Variants in CDK2 observed in about 807,000 individuals in gnomAD.
CDK2 encodes cyclin dependent kinase 2.
In CDK2, 8 loss-of-function variants were observed where a neutral mutation model predicts 35.0. The ratio of observed to expected loss-of-function variants is 0.23; its 90% confidence interval spans 0.13 to 0.41. CDK2 has a LOEUF of 0.41. Among genes scored for constraint, CDK2 ranks in the 10% least tolerant of loss-of-function variants. The pLI is 1.00. For synonymous variants in CDK2, 134 were observed against 137.7 expected, an observed-to-expected ratio of 0.97 and a Z score of 0.19; for missense variants, 201 against 367.1, an observed-to-expected ratio of 0.55 and a Z score of 3.70.
At position 55,966,834 on chromosome 12, in the gene CDK2, T is replaced by G; in HGVS notation, c.-175T>G. On this transcript the variant is annotated 5_prime_UTR_variant, in exon 1 of 7. Coordinates refer to ENST00000266970, the MANE Select transcript of CDK2 (RefSeq NM_001798.5). ...AACTCGGTGGGAGGCGGCAACATTGTTTCAAGTTGGCCAAATTGACAAGAG... is the reference window on the plus strand; with the variant it reads ...AACTCGGTGGGAGGCGGCAACATTGGTTCAAGTTGGCCAAATTGACAAGAG... 1 of 890,138 alleles carries G rather than the reference T, an allele frequency of 1.1e-6. No homozygotes were observed. Among genetic ancestry groups the G allele is most frequent in the South Asian group, 2.0e-5 (1 of 50,322 alleles). The allele number at this position is 890,138 out of a possible 1,614,324, so 55.1% of individuals were successfully genotyped here. A position where few individuals can be genotyped will look rare whatever the true frequency, so the allele number is the denominator to read the frequency against.
In CDK2 at chr12:55,967,003, C is replaced by T; in HGVS notation, c.-6C>T. ...GGGCCGGGCTGACCCGACTCGCTGG[C>T]GCTTCATGGAGAACTTCCAAAAGGT... On this transcript the variant is annotated 5_prime_UTR_variant, in exon 1 of 7. Transcript: ENST00000266970. 1 of 1,605,802 alleles carries T rather than the reference C, an allele frequency of 6.2e-7. No homozygotes were observed. The highest frequency in any genetic ancestry group is 8.5e-7 in the Non-Finnish European group (1 of 1,174,884).
chr12:55,969,794 A>T (rs1889427586), intron 5 of CDK2: 4 of 375,138 alleles, frequency 1.1e-5, no homozygotes, highest in Non-Finnish European at 1.4e-5. Flanking sequence ...CCTGGTATAC[A>T]TCTCTTATCC....
In CDK2 at chr12:55,971,261, C is replaced by A. The variant is rs766558762; in HGVS notation, c.792+14C>A. The A allele has an allele frequency of 6.2e-7, 1 of 1,610,226 alleles. No individual in the cohort carries two copies. Among genetic ancestry groups the A allele is most frequent in the East Asian group, 2.2e-5 (1 of 44,852 alleles). On this transcript the variant is annotated intron_variant, in intron 6 of 6. Transcript: ENST00000266970. ...AGCTTGTTATCGGTGAGAGTGGGCA[C>A]CTGTTTTCCCTCATTCATTTCTCCC...
At chr12:55,967,499 A>G (rs1343119599) in intron 1 of CDK2, 1 of 428,056 alleles carries the variant, frequency 2.3e-6, no homozygotes, top group Non-Finnish European at 4.3e-6. Flanking sequence ...TCACTGCCCC[A>G]CCCTCACCTT....
rs1164605127 is a variant in CDK2, at chr12:55,972,410, T to A, written c.*785T>A. 1 of 152,190 alleles carries A rather than the reference T, an allele frequency of 6.6e-6. No individual in the cohort carries two copies. Among genetic ancestry groups the A allele is most frequent in the Non-Finnish European group, 1.5e-5 (1 of 68,038 alleles). The allele number at this position is 152,190 out of a possible 1,614,324, so 9.4% of individuals were successfully genotyped here. ...CCAAGGATCCCTGATCCCATTTTCCTCTGACGTCCACCTCCTACCCCATAG... is the reference window on the plus strand; with the variant it reads ...CCAAGGATCCCTGATCCCATTTTCCACTGACGTCCACCTCCTACCCCATAG... On this transcript the variant is annotated 3_prime_UTR_variant, in exon 7 of 7. Coordinates refer to ENST00000266970, the MANE Select transcript of CDK2 (RefSeq NM_001798.5).
intron 2 of CDK2, 40 bp downstream of exon 2, chr12:55,967,974 G>GAT: frequency 6.2e-7 from 1 of 1,613,588 alleles, no homozygotes; most frequent in African/African-American, 1.3e-5. Flanking sequence ...TGGAAAGGAG[G>GAT]ATAAGTTCTG....
rs1205832633 is a variant in CDK2, at chr12:55,968,026, T to G, written c.195-23T>G. Reference sequence around the variant, plus strand: ...ATTTCTCTCTCTCACACACCTCCATTTCCTCAAACTTTCCTTCTCTAGGCT... The same window carrying G: ...ATTTCTCTCTCTCACACACCTCCATGTCCTCAAACTTTCCTTCTCTAGGCT... On this transcript the variant is annotated intron_variant, in intron 2 of 6. Transcript: ENST00000266970. 3.7e-6 allele frequency: 6 copies of G among 1,614,006 alleles called. No homozygotes were observed. The Admixed American group carries it at 8.3e-5, about 22-fold the overall frequency.
chr12:55,971,836 A>C lies in CDK2; in HGVS notation c.*211A>C. 4 of 530,314 alleles carry C rather than the reference A, an allele frequency of 7.5e-6. 1 individual carries two copies. Among genetic ancestry groups the C allele is most frequent in the South Asian group, 5.3e-5 (2 of 37,482 alleles). The allele number at this position is 530,314 out of a possible 1,614,324, so 32.9% of individuals were successfully genotyped here. On this transcript the variant is annotated 3_prime_UTR_variant, in exon 7 of 7. Transcript: ENST00000266970. ...GGAAGTTTCAGTATTAGATGCACTT[A>C]AGTTAGCCTCCACCACCCTTTCCCC... is the stretch of plus-strand genomic sequence containing the variant.
At chr12:55,970,760 C>A (rs3213124) in intron 5 of CDK2, 4 of 700,340 alleles carry the variant, frequency 5.7e-6, no homozygotes, top group African/African-American at 3.5e-5. Context: ...CTTGGGATAC[C>A]TTTGCTACAT....
chr12:55,969,294 C>T (rs57488950), intron 4 of CDK2, among the ~76,000 whole-genome samples, 181 bp from the exon 5 acceptor site: 276 of 152,062 alleles, frequency 1.8e-3, no homozygotes, highest in African/African-American at 6.4e-3. Context: ...CCAGGAAGAT[C>T]TCAAATTAGG....
intron 1 of CDK2, 172 bp downstream of exon 1, chr12:55,967,296 C>T: frequency 1.6e-6 from 1 of 611,032 alleles, no homozygotes. Flanking sequence ...ACTTATACTC[C>T]CTGGGGAGAG....
At chr12:55,970,288 CAAAAAA>C (rs60371110) in intron 5 of CDK2, among the ~76,000 whole-genome samples, 1 of 21,876 alleles carries the variant, frequency 4.6e-5, no homozygotes, top group Non-Finnish European at 1.5e-4. Context: ...GATTCCATCT[CAAAAAA>C]AAAAAAAAAA....
chr12:55,966,908 CCT>C lies in CDK2; in HGVS notation c.-100_-99del. 9.8e-7 allele frequency: 1 copy of C among 1,018,276 alleles called. No homozygotes were observed. The highest frequency in any genetic ancestry group is 2.0e-5 in the Admixed American group (1 of 49,286). 63.1% of individuals were successfully genotyped at this position (1,018,276 alleles called of 1,614,324 possible). A position where few individuals can be genotyped will look rare whatever the true frequency, so the allele number is the denominator to read the frequency against. On this transcript the variant is annotated 5_prime_UTR_variant, in exon 1 of 7. Coordinates refer to ENST00000266970, the MANE Select transcript of CDK2 (RefSeq NM_001798.5). ...CCGACCCGGGGCCACGGTACTGGGC[CCT>C]GTTTCCCCCTCCTCGGCCCCCGAGA...
chr12:55,968,664 T>C, intron 3 of CDK2, 114 bp from the exon 4 acceptor site: 4 of 764,064 alleles, frequency 5.2e-6, no homozygotes, highest in Non-Finnish European at 8.2e-6. Context: ...AGCTTGTAAA[T>C]ATGTAACTAT....
At position 55,967,141 on chromosome 12, in the gene CDK2, C is replaced by T. The variant is rs745467761; in HGVS notation, c.116+17C>T. ...CCTGGACACGTGAGTGGCCTCTGTA[C>T]CCGGGACTCCTAACTGGGGACCTCC... On this transcript the variant is annotated intron_variant, in intron 1 of 6. Coordinates refer to ENST00000266970, the MANE Select transcript of CDK2 (RefSeq NM_001798.5). The T allele has an allele frequency of 3.8e-6, 6 of 1,566,472 alleles. No individual in the cohort carries two copies. In the East Asian group the frequency reaches 1.1e-4, roughly 29 times the overall value.
intron 3 of CDK2, 30 bp downstream of exon 3, chr12:55,968,199 T>TG: frequency 6.2e-7 from 1 of 1,612,268 alleles, no homozygotes; most frequent in Non-Finnish European, 8.5e-7. Context: ...CCTCTCATCA[T>TG]GGGCATGTCT....
chr12:55,966,966 GC>G lies in CDK2; in HGVS notation c.-38del. The G allele has an allele frequency of 1.3e-6, 2 of 1,492,682 alleles. No homozygotes were observed. The highest frequency in any genetic ancestry group is 2.3e-5 in the South Asian group (2 of 85,382). The allele number at this position is 1,492,682 out of a possible 1,614,324, so 92.5% of individuals were successfully genotyped here. A position where few individuals can be genotyped will look rare whatever the true frequency, so the allele number is the denominator to read the frequency against. ...GGTCCGCCTTCTGCAGGGTTCCCAGGCCCCCGCTCCAGGGCCGGGCTGACCC... is the reference window on the plus strand; with the variant it reads ...GGTCCGCCTTCTGCAGGGTTCCCAGGCCCCGCTCCAGGGCCGGGCTGACCC... On this transcript the variant is annotated 5_prime_UTR_variant, in exon 1 of 7. Transcript: ENST00000266970.
intron 3 of CDK2, 25 bp downstream of exon 3, chr12:55,968,194 C>A: frequency 6.2e-7 from 1 of 1,612,606 alleles, no homozygotes; most frequent in South Asian, 1.1e-5. Context: ...CAGCTCCTCT[C>A]ATCATGGGCA....
In CDK2 at chr12:55,966,840, G is replaced by T; in HGVS notation, c.-169G>T. The T allele has an allele frequency of 1.1e-6, 1 of 876,608 alleles. No homozygotes were observed. The highest frequency in any genetic ancestry group is 1.7e-6 in the Non-Finnish European group (1 of 601,582). 54.3% of individuals were successfully genotyped at this position (876,608 alleles called of 1,614,324 possible). A position where few individuals can be genotyped will look rare whatever the true frequency, so the allele number is the denominator to read the frequency against. ...GTGGGAGGCGGCAACATTGTTTCAA[G>T]TTGGCCAAATTGACAAGAGCGAGAG... On this transcript the variant is annotated 5_prime_UTR_variant, in exon 1 of 7. Transcript: ENST00000266970.
Sources: gnomAD v4.1 joint callset for allele counts (sites outside exome capture counted in the v4.1 genomes callset) on GRCh38, gnomAD v4.1.1 for gene constraint, MANE v1.5 for transcripts, NCBI Gene and HGNC (gene_info 2026-07-23, HGNC 2026-07-21) for gene names.